DPH6: variants seen among roughly 807,000 people sequenced by gnomAD.
DPH6 encodes the protein diphthine--ammonia ligase.
A neutral mutation model predicts 38.2 loss-of-function variants in DPH6; 33 were observed. The ratio of observed to expected loss-of-function variants is 0.86; its 90% CI spans 0.65 to 1.15. DPH6 has a LOEUF of 1.15. Ranked by LOEUF, DPH6 falls within the 50% of genes most tolerant of loss-of-function variation. The probability of loss-of-function intolerance (pLI) is 0.00; values close to 1 mark genes in which losing one functional copy is unlikely to be tolerated. For synonymous variants in DPH6, 108 were observed against 103.0 expected (o/e 1.05, Z -0.30); for missense variants, 325 against 320.0 (o/e 1.02, Z -0.12).
the DPH6 span, among the ~76,000 whole-genome samples, chr15:35,195,036 T>C: frequency 1.3e-5 from 2 of 152,206 alleles, no homozygotes; most frequent in Non-Finnish European, 2.9e-5. Context: ...TGTTTATTTG[T>C]ACCCATTAAT....
chr15:35,404,107 T>C (rs2053259050), intron 6 of DPH6, among the ~76,000 whole-genome samples: 1 of 152,152 alleles, frequency 6.6e-6, no homozygotes, highest in African/African-American at 2.4e-5. Flanking sequence ...AGCAGCACAT[T>C]TTCTTTATCC....
intron 3 of DPH6, among the ~76,000 whole-genome samples, chr15:35,339,818 T>C (rs2052406492): frequency 6.6e-6 from 1 of 152,140 alleles, no homozygotes; most frequent in South Asian, 2.1e-4. Flanking sequence ...GTGATCAACT[T>C]TAGAGTAAGT....
At chr15:35,243,955 T>G (rs2051618392) in intron 3 of DPH6, among the ~76,000 whole-genome samples, 2 of 152,322 alleles carry the variant, frequency 1.3e-5, no homozygotes, top group African/African-American at 4.8e-5. Context: ...CAATAATCAC[T>G]GGATGGATGA....
chr15:35,386,163 C>A (rs1595519678), intron 6 of DPH6, among the ~76,000 whole-genome samples: 3 of 152,150 alleles, frequency 2.0e-5, no homozygotes, highest in African/African-American at 7.2e-5. Flanking sequence ...CATGTCCCTA[C>A]AAAGGACATG....
At chr15:35,460,677 T>G (rs1384656665) in intron 3 of DPH6, among the ~76,000 whole-genome samples, 1 of 152,188 alleles carries the variant, frequency 6.6e-6, no homozygotes, top group Non-Finnish European at 1.5e-5. Context: ...ACTTTGTAAA[T>G]ATCGGACATT....
In DPH6 at chr15:35,324,522, G is replaced by A. The variant is rs1406920659; in HGVS notation, n.200+48999C>T. On this transcript the variant is annotated intron_variant and non_coding_transcript_variant, in intron 3 of 3. Transcript: ENST00000560386. ...TGTTCTCAGTCCTTTCTAGCAGTTC[G>A]CTTACGACTTCTAACATTTCCTCTC... 2.5e-5 allele frequency among the ~76,000 whole-genome samples: 3 copies of A among 120,126 alleles called. No homozygotes were observed. The South Asian group carries it at 8.0e-4, about 32-fold the overall frequency. 78.8% of individuals were successfully genotyped at this position (120,126 alleles called of 152,430 possible).
chr15:35,383,253 G>A (rs1202767991), intron 6 of DPH6, among the ~76,000 whole-genome samples: 2 of 152,152 alleles, frequency 1.3e-5, no homozygotes, highest in Non-Finnish European at 2.9e-5. Flanking sequence ...TTAGTCCCTA[G>A]TAAAATAATG....
chr15:35,519,282 C>T (rs542875021), intron 3 of DPH6: 101 of 151,990 alleles, frequency 6.6e-4, no homozygotes, highest in African/African-American at 2.4e-3. Flanking sequence ...TGTATAACGA[C>T]TGGGTTTCAC....
At chr15:35,252,208 A>G (rs1261989547) in intron 3 of DPH6, among the ~76,000 whole-genome samples, 3 of 152,238 alleles carry the variant, frequency 2.0e-5, no homozygotes, top group African/African-American at 7.2e-5. Context: ...TGCTTTACCT[A>G]TATCAGCCTG....
At chr15:35,230,395 C>G (rs1405387252) in intron 3 of DPH6, among the ~76,000 whole-genome samples, 2 of 152,104 alleles carry the variant, frequency 1.3e-5, no homozygotes, top group Non-Finnish European at 2.9e-5. Flanking sequence ...ATGCTGCCTG[C>G]CCTAGGACTC....
At chr15:35,237,944 G>A in intron 3 of DPH6, 1 of 1,412,390 alleles carries the variant, frequency 7.1e-7, no homozygotes, top group Non-Finnish European at 1.0e-6. Context: ...GGAGGAGGAT[G>A]AAAAAGGTTA....
At chr15:35,267,942 C>T (rs577823481) in intron 3 of DPH6, among the ~76,000 whole-genome samples, 3 of 151,964 alleles carry the variant, frequency 2.0e-5, no homozygotes, top group African/African-American at 4.8e-5. Context: ...AGGCCGAGGC[C>T]GGCAGATCAT....
chr15:35,530,612 A>C (rs1165280119), intron 3 of DPH6, among the ~76,000 whole-genome samples: 1 of 152,208 alleles, frequency 6.6e-6, no homozygotes, highest in Non-Finnish European at 1.5e-5. Context: ...AGTGGAGAAA[A>C]GTTCAAGGTT....
chr15:35,313,337 T>C (rs978102189), intron 3 of DPH6, among the ~76,000 whole-genome samples: 7 of 151,948 alleles, frequency 4.6e-5, no homozygotes, highest in East Asian at 1.9e-4. Flanking sequence ...CATGGTTTTA[T>C]ATACATTTCA....
chr15:35,396,995 C>T (rs1190202617), intron 6 of DPH6, among the ~76,000 whole-genome samples: 1 of 152,202 alleles, frequency 6.6e-6, no homozygotes, highest in Non-Finnish European at 1.5e-5. Context: ...GACAAGTTAA[C>T]TTCTGTAGAA....
chr15:35,491,672 GATTT>G (rs1210324396), intron 3 of DPH6, among the ~76,000 whole-genome samples: 1 of 150,032 alleles, frequency 6.7e-6, no homozygotes, highest in Non-Finnish European at 1.5e-5. Flanking sequence ...TCTAAAAAGA[GATTT>G]ATGTGTATGT....
intron 6 of DPH6, among the ~76,000 whole-genome samples, chr15:35,387,279 G>A (rs1038787704): frequency 6.6e-6 from 1 of 152,146 alleles, no homozygotes; most frequent in Non-Finnish European, 1.5e-5. Flanking sequence ...GCAGCATGAT[G>A]TCTCCAGCTT....
intron 3 of DPH6, among the ~76,000 whole-genome samples, chr15:35,303,863 AT>A (rs138449948): frequency 7.3e-5 from 11 of 149,970 alleles, no homozygotes; most frequent in Non-Finnish European, 1.5e-4. Flanking sequence ...AAAGCTAATC[AT>A]TTTTTTTTCA....
In DPH6 at chr15:35,372,097, C is replaced by T. The variant is rs3759846; in HGVS notation, c.*53G>A. 139 of 1,478,260 alleles carry T rather than the reference C, an allele frequency of 9.4e-5. No individual in the cohort carries two copies. In the African/African-American group the frequency reaches 1.9e-3, roughly 20 times the overall value. The allele number at this position is 1,478,260 out of a possible 1,614,324, so 91.6% of individuals were successfully genotyped here. A position where few individuals can be genotyped will look rare whatever the true frequency, so the allele number is the denominator to read the frequency against. On this transcript the variant is annotated 3_prime_UTR_variant, in exon 9 of 9. Transcript: ENST00000256538. ...TCATAGTAACTGAGAAAATACTATG[C>T]AATTTTTTTGTATAGAAATGGTGGT...
Sources: allele counts gnomAD v4.1 joint callset (sites outside exome capture counted in the v4.1 genomes callset), GRCh38; gene constraint gnomAD v4.1.1; transcripts MANE v1.5; gene names NCBI Gene and HGNC (gene_info 2026-07-23, HGNC 2026-07-21).